Variants in GSAP observed in about 807,000 individuals in gnomAD.
The protein encoded by GSAP is gamma-secretase-activating protein.
GSAP carries 118 observed loss-of-function variants against 131.7 expected under a neutral mutation model. That is an observed-to-expected ratio of 0.90 (90% CI 0.77 to 1.04). The LOEUF is 1.04. GSAP is among the 50% of genes least tolerant of loss of function. The probability of loss-of-function intolerance (pLI) is 0.00; values close to 1 mark genes in which losing one functional copy is unlikely to be tolerated. For missense variants in GSAP, 1,019 were observed against 1,013.2 expected, an observed-to-expected ratio of 1.01 and a Z score of -0.08; for synonymous variants, 381 against 363.4, an observed-to-expected ratio of 1.05 and a Z score of -0.55.
chr7:77,379,908 A>C, intron 8 of GSAP: 1 of 976,086 alleles, frequency 1.0e-6, no homozygotes, highest in Non-Finnish European at 1.2e-6. Flanking sequence ...CTGATACACA[A>C]TTGATAAATT....
At chr7:77,412,856 A>T (rs1803529214) in intron 1 of GSAP, among the ~76,000 whole-genome samples, 1 of 152,002 alleles carries the variant, frequency 6.6e-6, no homozygotes, top group Non-Finnish European at 1.5e-5. Flanking sequence ...TTTCCACACC[A>T]CAAATCAGAG....
intron 14 of GSAP, among the ~76,000 whole-genome samples, chr7:77,358,843 T>C (rs2150899034): frequency 6.6e-6 from 1 of 152,308 alleles, no homozygotes; most frequent in South Asian, 2.1e-4. Flanking sequence ...TTGATAAAGT[T>C]TTAGTTGAAA....
At chr7:77,352,003 C>T (rs1162693595) in intron 18 of GSAP, among the ~76,000 whole-genome samples, 1 of 152,108 alleles carries the variant, frequency 6.6e-6, no homozygotes, top group Non-Finnish European at 1.5e-5. Context: ...CCTTTCTTTC[C>T]CTTAAATTCT....
At chr7:77,372,210 C>T (rs1796232360) in intron 12 of GSAP, among the ~76,000 whole-genome samples, 1 of 152,130 alleles carries the variant, frequency 6.6e-6, no homozygotes, top group Non-Finnish European at 1.5e-5. Flanking sequence ...GATCATTCTA[C>T]AAGACAAATG....
In GSAP at chr7:77,353,645, T is replaced by C. The variant is rs1563007270; in HGVS notation, c.1339-4A>G. 3.8e-6 allele frequency: 6 copies of C among 1,594,520 alleles called. No homozygotes were observed. Among genetic ancestry groups the C allele is most frequent in the South Asian group, 3.3e-5 (3 of 90,418 alleles). On this transcript the variant is annotated splice_polypyrimidine_tract_variant and splice_region_variant and intron_variant, in intron 16 of 30. Transcript: ENST00000257626. Reference sequence around the variant, plus strand: ...TCTCAGAAATCCACTGAATAATCTTTAAAAAGTCAGACAGAACTCTGTTGG... The same window carrying C: ...TCTCAGAAATCCACTGAATAATCTTCAAAAAGTCAGACAGAACTCTGTTGG...
At chr7:77,412,486 TA>T (rs1351849417) in intron 1 of GSAP, among the ~76,000 whole-genome samples, 1 of 151,678 alleles carries the variant, frequency 6.6e-6, no homozygotes, top group African/African-American at 2.4e-5. Flanking sequence ...GAACAAACTA[TA>T]AAGAAAAACT....
intron 12 of GSAP, among the ~76,000 whole-genome samples, chr7:77,373,798 T>C (rs1218009965): frequency 6.6e-6 from 1 of 152,198 alleles, no homozygotes; most frequent in Non-Finnish European, 1.5e-5. Context: ...AAAATGTAGA[T>C]TGGTTAAATA....
At chr7:77,321,994 C>A (rs1787708408) in intron 24 of GSAP, among the ~76,000 whole-genome samples, 1 of 152,184 alleles carries the variant, frequency 6.6e-6, no homozygotes, top group Admixed American at 6.5e-5. Context: ...AGGTAGCCTT[C>A]TTTGTCTTAG....
chr7:77,373,378 G>A (rs1796416818), intron 12 of GSAP, among the ~76,000 whole-genome samples: 3 of 152,116 alleles, frequency 2.0e-5, no homozygotes, highest in Admixed American at 2.0e-4. Context: ...GGCTTTAAAG[G>A]AATACAATTT....
intron 5 of GSAP, among the ~76,000 whole-genome samples, chr7:77,390,921 C>T (rs1441736127): frequency 7.8e-6 from 1 of 128,446 alleles, no homozygotes; most frequent in South Asian, 2.4e-4. Context: ...TGCACTCCAG[C>T]CTGGTGACAG....
intron 12 of GSAP, among the ~76,000 whole-genome samples, chr7:77,373,503 G>A (rs1197742134): frequency 1.3e-5 from 2 of 152,184 alleles, no homozygotes; most frequent in African/African-American, 2.4e-5. Flanking sequence ...TAAGGTTAAT[G>A]AGCAGTTTTT....
intron 19 of GSAP, among the ~76,000 whole-genome samples, chr7:77,335,499 G>GT (rs1309862463): frequency 2.6e-5 from 4 of 152,188 alleles, no homozygotes; most frequent in Admixed American, 2.6e-4. Flanking sequence ...ATAAAGGGGA[G>GT]TTTTTTCTCT....
intron 19 of GSAP, among the ~76,000 whole-genome samples, chr7:77,346,096 C>A (rs1241919469): frequency 6.6e-6 from 1 of 150,986 alleles, no homozygotes; most frequent in Non-Finnish European, 1.5e-5. Context: ...ATGGTGAAAC[C>A]CCGCCTCTAC....
chr7:77,401,995 T>C (rs1801393309), intron 3 of GSAP, among the ~76,000 whole-genome samples: 1 of 152,228 alleles, frequency 6.6e-6, no homozygotes, highest in Non-Finnish European at 1.5e-5. Context: ...CATTAATTTA[T>C]TGGTTTTAAT....
rs539269526 is a variant in GSAP at position 77,399,132 on chromosome 7, T to C, written c.244-1717A>G. Among the ~76,000 whole-genome samples the C allele has an allele frequency of 7.2e-5, 11 of 152,324 alleles. No individual in the cohort carries two copies. In the South Asian group the frequency reaches 2.3e-3, roughly 32 times the overall value. ...GTGTGAATTTGTGCAGATATTTCTG[T>C]AGAATCAAAACCTCAAAGTGGAATT... is the stretch of plus-strand genomic sequence containing the variant. On this transcript the variant is annotated intron_variant, in intron 3 of 30. Transcript: ENST00000257626.
chr7:77,398,868 C>T (rs1225215170), intron 3 of GSAP, among the ~76,000 whole-genome samples: 1 of 152,168 alleles, frequency 6.6e-6, no homozygotes, highest in Non-Finnish European at 1.5e-5. Context: ...TATATTTATG[C>T]ACTTATATTA....
intron 6 of GSAP, among the ~76,000 whole-genome samples, chr7:77,383,717 T>C (rs990672333): frequency 1.1e-4 from 17 of 152,168 alleles, no homozygotes; most frequent in African/African-American, 2.7e-4. Flanking sequence ...AAAAGGGCAA[T>C]TGTAAACCAG....
chr7:77,346,287 A>AG (rs1554395429), intron 19 of GSAP, among the ~76,000 whole-genome samples: 8 of 150,312 alleles, frequency 5.3e-5, no homozygotes, highest in Non-Finnish European at 8.9e-5. Flanking sequence ...AAAAAAAAAA[A>AG]AAAGAAAGAA....
intron 12 of GSAP, among the ~76,000 whole-genome samples, chr7:77,373,085 G>A (rs1563056665): frequency 6.6e-6 from 1 of 152,140 alleles, no homozygotes; most frequent in South Asian, 2.1e-4. Context: ...CTTGGAGGGA[G>A]GCAGAAATGA....
Sources: gnomAD v4.1 joint callset for allele counts (sites outside exome capture counted in the v4.1 genomes callset) on GRCh38, gnomAD v4.1.1 for gene constraint, MANE v1.5 for transcripts, NCBI Gene and HGNC (gene_info 2026-07-23, HGNC 2026-07-21) for gene names.